The following ARHGEF10 variants were observed in gnomAD, a reference collection of about 807,000 sequenced individuals.
The protein encoded by ARHGEF10 is Rho guanine nucleotide exchange factor 10, also known as Rho guanine nucleotide exchange factor (GEF) 10.
ARHGEF10 carries 140 observed loss-of-function variants against 147.4 expected under a neutral mutation model. The observed-to-expected ratio is 0.95, with a 90% CI of 0.83 to 1.09. ARHGEF10 has a LOEUF of 1.09. ARHGEF10 is among the 50% of genes least tolerant of loss of function. The pLI is 0.00. For missense variants in ARHGEF10, 2,222 were observed against 1,752.7 expected (o/e 1.27, Z -4.78); for synonymous variants, 902 against 695.8 (o/e 1.30, Z -4.67).
chr8:1,953,644 G>A (rs774128214), intron 28 of ARHGEF10, among the ~76,000 whole-genome samples: 19 of 75,728 alleles, frequency 2.5e-4, no homozygotes, highest in Admixed American at 2.2e-3. Flanking sequence ...TTAACAGCAC[G>A]AAACAGGAGG....
At chr8:1,883,077 C>G (rs931851547) in intron 10 of ARHGEF10, among the ~76,000 whole-genome samples, 1 of 152,220 alleles carries the variant, frequency 6.6e-6, no homozygotes, top group African/African-American at 2.4e-5. Context: ...CACATTGGCC[C>G]TCCTGGGCAT....
At chr8:1,928,383 G>A (rs768197476) in intron 23 of ARHGEF10, 44 bp from the exon 24 acceptor site, 19 of 1,588,270 alleles carry the variant, frequency 1.2e-5, no homozygotes, top group East Asian at 1.1e-4. Flanking sequence ...TATGGAAGCC[G>A]CCACATGGTC....
At position 1,876,654 on chromosome 8, in the gene ARHGEF10, G is replaced by T; in HGVS notation, c.763G>T (p.Glu255Ter). Reference sequence around the variant, plus strand: ...ATACGGATGGAGTTCGAGTGAATTTGAAAGTTACGAAGAGCAGAGTGACTC... The same window carrying T: ...ATACGGATGGAGTTCGAGTGAATTTTAAAGTTACGAAGAGCAGAGTGACTC... ...LEYGWSSSEF[E>*]SYEEQSDSEC... The change falls in exon 8 of 29, where the codon GAA (glutamate) becomes TAA (stop). Residue 255 changes from glutamate to a stop codon, truncating the protein, a stop_gained. Transcript: ENST00000349830. LOFTEE classifies it high-confidence loss of function. The T allele has an allele frequency of 6.2e-7, 1 of 1,614,250 alleles. No homozygotes were observed. The highest frequency in any genetic ancestry group is 8.5e-7 in the Non-Finnish European group (1 of 1,180,040).
chr8:1,833,241 AAGACAGAGGCCG>A (rs1191352531), intron 1 of ARHGEF10, among the ~76,000 whole-genome samples: 3 of 124,566 alleles, frequency 2.4e-5, no homozygotes, highest in Non-Finnish European at 4.9e-5. Context: ...GAGGGAGACA[AAGACAGAGGCCG>A]AGACAGAGGC....
At position 1,854,917 on chromosome 8, in the gene ARHGEF10, C is replaced by G. The variant is rs535305933; in HGVS notation, c.38-3043C>G. Among the ~76,000 whole-genome samples, 6 of 152,068 alleles carry G rather than the reference C, an allele frequency of 3.9e-5. No individual in the cohort carries two copies. In the South Asian group the frequency reaches 1.0e-3, roughly 26 times the overall value. Reference sequence around the variant, plus strand: ...CAGGGTCATACCTGTACCTGGCACACGGGACATGCACTGTCCCAGGTAATC... The same window carrying G: ...CAGGGTCATACCTGTACCTGGCACAGGGGACATGCACTGTCCCAGGTAATC... On this transcript the variant is annotated intron_variant, in intron 2 of 28. Coordinates refer to ENST00000349830, the MANE Select transcript of ARHGEF10 (RefSeq NM_014629.4).
chr8:1,952,093 C>T (rs1381804604), intron 27 of ARHGEF10, among the ~76,000 whole-genome samples: 1 of 152,258 alleles, frequency 6.6e-6, no homozygotes, highest in African/African-American at 2.4e-5. Flanking sequence ...ACCAAACTAA[C>T]AAAGAGCCTC....
intron 11 of ARHGEF10, among the ~76,000 whole-genome samples, chr8:1,892,877 G>A (rs553713302): frequency 6.6e-6 from 1 of 152,202 alleles, no homozygotes; most frequent in Non-Finnish European, 1.5e-5. Flanking sequence ...GGGAAATGCC[G>A]GGCGTCCTCA....
intron 17 of ARHGEF10, among the ~76,000 whole-genome samples, chr8:1,906,832 C>T (rs777865935): frequency 2.0e-5 from 3 of 152,216 alleles, no homozygotes; most frequent in East Asian, 1.9e-4. Context: ...GCACTGCCTG[C>T]GAGGGACAGG....
At chr8:1,911,332 C>G (rs1330961708) in intron 18 of ARHGEF10, among the ~76,000 whole-genome samples, 2 of 152,056 alleles carry the variant, frequency 1.3e-5, no homozygotes, top group Non-Finnish European at 2.9e-5. Flanking sequence ...CCTAGTTAAC[C>G]TCAGTGAAAC....
chr8:1,903,699 A>G (rs185651656), intron 16 of ARHGEF10: 90 of 575,434 alleles, frequency 1.6e-4, no homozygotes, highest in African/African-American at 1.5e-3. Context: ...TAGACCCTCA[A>G]ATGGATCCAG....
chr8:1,904,939 G>A (rs1810763011), intron 16 of ARHGEF10, among the ~76,000 whole-genome samples: 1 of 152,126 alleles, frequency 6.6e-6, no homozygotes, highest in Non-Finnish European at 1.5e-5. Flanking sequence ...TAACCAACAT[G>A]ACAAAACCCC....
At chr8:1,894,321 C>T (rs1740129325) in intron 12 of ARHGEF10, 72 bp from the exon 13 acceptor site, 3 of 1,548,496 alleles carry the variant, frequency 1.9e-6, no homozygotes, top group African/African-American at 1.4e-5. Context: ...CTGCGCTGCA[C>T]CCTGGACAAC....
intron 2 of ARHGEF10, among the ~76,000 whole-genome samples, chr8:1,857,088 C>G (rs185584231): frequency 3.7e-4 from 56 of 152,332 alleles, no homozygotes; most frequent in African/African-American, 1.3e-3. Context: ...TGTTTCTTAT[C>G]AAGCACTTAC....
rs1805681455 is a variant in ARHGEF10, at chr8:1,857,876, ATCG to A, written c.38-83_38-81del. 8.2e-6 allele frequency: 7 copies of A among 850,308 alleles called. No individual in the cohort carries two copies. In the East Asian group the frequency reaches 9.6e-5, roughly 12 times the overall value. 52.7% of individuals were successfully genotyped at this position (850,308 alleles called of 1,614,324 possible). The stretch of plus-strand genomic sequence containing the variant: ...CAGTGTCTCTGGCTAACATAGATCG[ATCG>A]ATCTATCTATCTATCTATCTATCTA... On this transcript the variant is annotated intron_variant, in intron 2 of 28. Transcript: ENST00000349830.
intron 27 of ARHGEF10, among the ~76,000 whole-genome samples, chr8:1,951,924 G>GTGAGGCGGGGTCTTCCCTGTAACCACCC: frequency 6.6e-6 from 1 of 152,352 alleles, no homozygotes; most frequent in African/African-American, 2.4e-5. Context: ...TGTAGCCACC[G>GTGAGGCGGGGTCTTCCCTGTAACCACCC]TGAGGCGGGG....
chr8:1,945,957 G>T (rs1024977541), intron 27 of ARHGEF10: 2 of 521,578 alleles, frequency 3.8e-6, no homozygotes, highest in East Asian at 3.4e-5. Flanking sequence ...GGTGGGAGAC[G>T]ATTTCTCATC....
In ARHGEF10 at chr8:1,824,062, G is replaced by GGGGGACGGCGGGGAACAGCA. The variant is rs1563137520; in HGVS notation, c.-92_-73dup. 2.2e-4 allele frequency: 32 copies of GGGGGACGGCGGGGAACAGCA among 147,752 alleles called. No homozygotes were observed. Among genetic ancestry groups the GGGGGACGGCGGGGAACAGCA allele is most frequent in the Admixed American group, 2.7e-4 (4 of 14,874 alleles). The allele number at this position is 147,752 out of a possible 1,614,324, so 9.2% of individuals were successfully genotyped here. A position where few individuals can be genotyped will look rare whatever the true frequency, so the allele number is the denominator to read the frequency against. On this transcript the variant is annotated 5_prime_UTR_variant, in exon 1 of 29. Transcript: ENST00000349830. ...ACAGCGGGGGACGGCGGGGAACAGC[G>GGGGGACGGCGGGGAACAGCA]GGGGACGGCGGGGAACAGCAGGGGA...
chr8:1,922,195 T>C (rs796206059), intron 18 of ARHGEF10, among the ~76,000 whole-genome samples: 6 of 151,850 alleles, frequency 4.0e-5, no homozygotes, highest in African/African-American at 1.2e-4. Context: ...AATTCTCACT[T>C]GGGCAAATAG....
At chr8:1,935,171 G>C (rs1813474446) in intron 26 of ARHGEF10, among the ~76,000 whole-genome samples, 1 of 152,042 alleles carries the variant, frequency 6.6e-6, no homozygotes, top group Non-Finnish European at 1.5e-5. Flanking sequence ...TGAATGAAAA[G>C]TGCGGAATTT....
Sources: allele counts gnomAD v4.1 joint callset (sites outside exome capture counted in the v4.1 genomes callset), GRCh38; gene constraint gnomAD v4.1.1; transcripts MANE v1.5; gene names NCBI Gene and HGNC (gene_info 2026-07-23, HGNC 2026-07-21).